Variants in TSNAX observed in about 807,000 individuals in gnomAD.
TSNAX encodes the protein translin associated factor X, also known as translin-associated protein X.
In TSNAX, 12 loss-of-function variants were observed where a neutral mutation model predicts 33.0. That is an observed-to-expected ratio of 0.36 (90% CI 0.23 to 0.59). The LOEUF (loss-of-function observed/expected upper bound fraction) is 0.59. Ranked by LOEUF, TSNAX falls within the 20% of genes least tolerant of loss-of-function variation. The pLI is 0.74. For missense variants in TSNAX, 267 were observed against 341.3 expected (o/e 0.78, Z 1.72); for synonymous variants, 110 against 117.2 (o/e 0.94, Z 0.40).
At chr1:231,547,887 C>T (rs1207996753) in intron 4 of TSNAX, among the ~76,000 whole-genome samples, 1 of 139,280 alleles carries the variant, frequency 7.2e-6, no homozygotes, top group Non-Finnish European at 1.5e-5. Context: ...GTCGCCCAGG[C>T]TGGAGTGCAG....
At chr1:231,534,720 ATC>A (rs1298466795) in intron 2 of TSNAX, 1 of 152,208 alleles carries the variant, frequency 6.6e-6, no homozygotes, top group Non-Finnish European at 1.5e-5. Flanking sequence ...TAGTACGTTT[ATC>A]TCAAACTACA....
intron 2 of TSNAX, chr1:231,534,998 A>C (rs1659065312): frequency 6.6e-6 from 1 of 152,228 alleles, no homozygotes; most frequent in South Asian, 2.1e-4. Flanking sequence ...CTGAATGATG[A>C]AAGTGAAATG....
In TSNAX at chr1:231,564,526, A is replaced by T; in HGVS notation, c.496-2A>T. 6.2e-7 allele frequency: 1 copy of T among 1,601,554 alleles called. No individual in the cohort carries two copies. The highest frequency in any genetic ancestry group is 8.5e-7 in the Non-Finnish European group (1 of 1,171,838). ...TTTTGTTTTGTTTTGTTTTTTTACCAGCCCTCCTCTGATGCACAGGATAAG... is the reference window on the plus strand; with the variant it reads ...TTTTGTTTTGTTTTGTTTTTTTACCTGCCCTCCTCTGATGCACAGGATAAG... On this transcript the variant is annotated splice_acceptor_variant, in intron 5 of 5. Coordinates refer to ENST00000366639, the MANE Select transcript of TSNAX (RefSeq NM_005999.3). LOFTEE classifies it high-confidence loss of function.
At chr1:231,555,666 C>A (rs1038937509) in intron 4 of TSNAX, among the ~76,000 whole-genome samples, 1 of 152,160 alleles carries the variant, frequency 6.6e-6, no homozygotes, top group Admixed American at 6.5e-5. Context: ...GCTCTTTAAG[C>A]AAGATGCCAT....
chr1:231,557,201 A>T (rs554814222), intron 4 of TSNAX, among the ~76,000 whole-genome samples: 13 of 152,220 alleles, frequency 8.5e-5, no homozygotes, highest in African/African-American at 2.9e-4. Flanking sequence ...TTGGCCAGAG[A>T]TGTGAAGTTT....
At chr1:231,531,207 C>T (rs770443514) in intron 2 of TSNAX, among the ~76,000 whole-genome samples, 1 of 152,150 alleles carries the variant, frequency 6.6e-6, no homozygotes, top group Non-Finnish European at 1.5e-5. Flanking sequence ...GTCTGCCCGT[C>T]TCGGCCTCTC....
At chr1:231,535,235 C>T (rs1659085554) in intron 2 of TSNAX, 1 of 152,148 alleles carries the variant, frequency 6.6e-6, no homozygotes, top group Non-Finnish European at 1.5e-5. Context: ...AGTTGTTGTA[C>T]TGTTTTATTA....
At position 231,529,249 on chromosome 1, in the gene TSNAX, T is replaced by G; in HGVS notation, c.17-6T>G. 6.2e-7 allele frequency: 1 copy of G among 1,613,462 alleles called. No individual in the cohort carries two copies. The highest frequency in any genetic ancestry group is 8.5e-7 in the Non-Finnish European group (1 of 1,179,726). ...GATCCCTCTCTTTTTTTCTTCTCTATATAAGGATCAGGAGGGTTCAGGAAA... is the reference window on the plus strand; with the variant it reads ...GATCCCTCTCTTTTTTTCTTCTCTAGATAAGGATCAGGAGGGTTCAGGAAA... On this transcript the variant is annotated splice_region_variant and splice_polypyrimidine_tract_variant and intron_variant, in intron 1 of 5. Coordinates refer to ENST00000366639, the MANE Select transcript of TSNAX (RefSeq NM_005999.3).
At chr1:231,547,392 T>C (rs998290763) in intron 4 of TSNAX, among the ~76,000 whole-genome samples, 9 of 140,378 alleles carry the variant, frequency 6.4e-5, no homozygotes, top group Admixed American at 2.8e-4. Context: ...TTTTTTTCTT[T>C]TTTTTTTTTT....
rs1365867467 is a variant in TSNAX, at chr1:231,537,250, T to C, written c.159T>C (p.Tyr53=). The C allele has an allele frequency of 1.2e-5, 19 of 1,613,458 alleles. No individual in the cohort carries two copies. The Admixed American group carries it at 2.5e-4, about 21-fold the overall frequency. ...AACTTGATGCAAGGCATGACAAATA[T>C]GAGAGACTTGTGAAACTTAGTCGGG... The part of the protein sequence containing the change: ...QQELDARHDK[Y]ERLVKLSRDI... The change falls in exon 3 of 6, where the codon TAT becomes TAC. Residue 53 remains tyrosine, a synonymous_variant. Transcript: ENST00000366639.
intron 2 of TSNAX, chr1:231,536,958 G>T: frequency 9.1e-6 from 2 of 220,650 alleles, no homozygotes; most frequent in Non-Finnish European, 8.9e-6. Context: ...TCAGCCTCCC[G>T]AGTAGCTGGG....
At chr1:231,530,208 T>C (rs923360055) in intron 2 of TSNAX, among the ~76,000 whole-genome samples, 1 of 152,170 alleles carries the variant, frequency 6.6e-6, no homozygotes, top group Non-Finnish European at 1.5e-5. Flanking sequence ...TTTTGTCACA[T>C]TGTGTTTGTT....
intron 3 of TSNAX, among the ~76,000 whole-genome samples, chr1:231,537,612 A>G (rs1659265932): frequency 6.6e-6 from 1 of 151,850 alleles, no homozygotes; most frequent in Non-Finnish European, 1.5e-5. Flanking sequence ...TTGGTGGTGC[A>G]TGCCTATCAT....
intron 4 of TSNAX, among the ~76,000 whole-genome samples, chr1:231,546,851 T>C (rs1659949914): frequency 6.6e-6 from 1 of 152,068 alleles, no homozygotes; most frequent in South Asian, 2.1e-4. Context: ...GGCATCAACA[T>C]AGAGCTGACA....
intron 4 of TSNAX, among the ~76,000 whole-genome samples, chr1:231,548,856 G>A (rs1235681056): frequency 6.6e-6 from 1 of 152,226 alleles, no homozygotes; most frequent in Non-Finnish European, 1.5e-5. Context: ...GATTGTCTAA[G>A]GAGAGTGTAG....
intron 3 of TSNAX, among the ~76,000 whole-genome samples, chr1:231,538,910 C>T (rs1341598976): frequency 4.9e-5 from 7 of 142,208 alleles, no homozygotes; most frequent in Non-Finnish European, 9.0e-5. Flanking sequence ...CCAGCCTGGG[C>T]GACAGAATGA....
Position 231,564,686 on chromosome 1 carries a change from C to T in TSNAX, c.654C>T (p.Ser218=). ...ACATTGATACCCCCTTTGAAGTGAG[C>T]CAGTTTTTACGTCAGGTTTATGATG... ...NGDIDTPFEV[S]QFLRQVYDGF... The change falls in exon 6 of 6, where the codon AGC becomes AGT. Residue 218 remains serine (S), a synonymous_variant. Transcript: ENST00000366639. 6.2e-7 allele frequency: 1 copy of T among 1,614,038 alleles called. No homozygotes were observed. Among genetic ancestry groups the T allele is most frequent in the Non-Finnish European group, 8.5e-7 (1 of 1,180,028 alleles).
Position 231,564,606 on chromosome 1 carries a change from G to A in TSNAX, c.574G>A (p.Ala192Thr). 1 of 1,614,102 alleles carries A rather than the reference G, an allele frequency of 6.2e-7. No homozygotes were observed. The highest frequency in any genetic ancestry group is 8.5e-7 in the Non-Finnish European group (1 of 1,180,014). Residue 192 changes from alanine (A) to threonine (T), a missense_variant, in exon 6 of 6, where the codon GCT (alanine) becomes ACT (threonine). By Grantham distance (58) the Ala-to-Thr change is moderately conservative. This residue lies in a region of TSNAX where 67 missense variants were observed against 127.2 expected (regional missense o/e 0.53). Coordinates refer to ENST00000366639, the MANE Select transcript of TSNAX (RefSeq NM_005999.3). ...VTPVDYLLGVADLTGELMRMC... is the reference protein window; with the variant it reads ...VTPVDYLLGVTDLTGELMRMC... ...ACCTGTCGATTACCTTCTGGGAGTGGCTGACTTAACTGGAGAATTGATGCG... is the reference window on the plus strand; with the variant it reads ...ACCTGTCGATTACCTTCTGGGAGTGACTGACTTAACTGGAGAATTGATGCG...
chr1:231,530,980 C>T (rs1451829911), intron 2 of TSNAX, among the ~76,000 whole-genome samples: 3 of 146,594 alleles, frequency 2.0e-5, no homozygotes, highest in South Asian at 2.1e-4. Flanking sequence ...TTTTTTGAGA[C>T]AGAGTCTCTG....
Sources: gnomAD v4.1 joint callset for allele counts (sites outside exome capture counted in the v4.1 genomes callset) on GRCh38, gnomAD v4.1.1 for gene constraint, gnomAD v4.1.1 regional missense constraint, MANE v1.5 for transcripts, NCBI Gene and HGNC (gene_info 2026-07-23, HGNC 2026-07-21) for gene names.